Variants in CPAMD8 observed in about 807,000 individuals in gnomAD.
CPAMD8 encodes the protein C3 and PZP-like alpha-2-macroglobulin domain-containing protein 8.
CPAMD8 carries 146 observed loss-of-function variants against 224.7 expected under a neutral mutation model. The observed-to-expected ratio is 0.65, with a 90% CI of 0.57 to 0.75. CPAMD8 has a LOEUF of 0.75. CPAMD8 is among the 30% of genes least tolerant of loss of function. The pLI, the probability that CPAMD8 is intolerant of heterozygous loss-of-function variation, is 0.00. For synonymous variants in CPAMD8, 966 were observed against 1,044.6 expected, an observed-to-expected ratio of 0.92 and a Z score of 1.45; for missense variants, 2,301 against 2,537.5, an observed-to-expected ratio of 0.91 and a Z score of 2.00.
At position 16,993,478 on chromosome 19, in the gene CPAMD8, G is replaced by A. The variant is rs373932211; in HGVS notation, c.1204C>T (p.Arg402Cys). The A allele has an allele frequency of 6.8e-6, 11 of 1,612,992 alleles. No individual in the cohort carries two copies. In the South Asian group the frequency reaches 7.7e-5, roughly 11 times the overall value. ...NIYTSEVVSQRGLVGFEIPSI... is the reference protein window; with the variant it reads ...NIYTSEVVSQCGLVGFEIPSI... ...GGGATTTCAAACCCCACTAGTCCAC[G>A]CTGGGACACAACTTCACTGGTGTAG... The change falls in exon 12 of 42, where the codon CGT (arginine) becomes TGT (cysteine). Residue 402 changes from arginine to cysteine, a missense_variant. Transcript: ENST00000443236.
chr19:17,006,593 T>C (rs572723161), intron 7 of CPAMD8, among the ~76,000 whole-genome samples: 14 of 151,876 alleles, frequency 9.2e-5, no homozygotes, highest in African/African-American at 2.7e-4. Context: ...CTCTTGCCAG[T>C]GTCACCCCTG....
intron 19 of CPAMD8, among the ~76,000 whole-genome samples, chr19:16,955,727 A>AGTGCAGTG (rs2054449611): frequency 6.6e-6 from 1 of 152,100 alleles, no homozygotes; most frequent in Non-Finnish European, 1.5e-5. Context: ...CCCAGGCTGG[A>AGTGCAGTG]GTGCAGTGGT....
At chr19:16,936,052 C>A in intron 23 of CPAMD8, among the ~76,000 whole-genome samples, 1 of 151,910 alleles carries the variant, frequency 6.6e-6, no homozygotes, top group East Asian at 1.9e-4. Context: ...CTCAGCCTCC[C>A]AAGTAGCTAG....
intron 3 of CPAMD8, among the ~76,000 whole-genome samples, chr19:17,019,964 T>A (rs1423582829): frequency 6.7e-6 from 1 of 149,756 alleles, no homozygotes; most frequent in African/African-American, 2.5e-5. Flanking sequence ...TTTTTTTTTT[T>A]TCTTTTCTTT....
chr19:16,893,464 G>A (rs915589809), intron 41 of CPAMD8, 125 bp from the exon 42 acceptor site: 1 of 641,748 alleles, frequency 1.6e-6, no homozygotes, highest in Non-Finnish European at 2.7e-6. Flanking sequence ...ACCGGCCAGG[G>A]CAGCCTCAGA....
Position 17,022,066 on chromosome 19 carries a change from C to T in CPAMD8, c.208G>A (p.Gly70Ser), listed in dbSNP as rs2056972170. The T allele has an allele frequency of 1.2e-6, 2 of 1,606,052 alleles. No homozygotes were observed. The highest frequency in any genetic ancestry group is 3.4e-5 in the Admixed American group (2 of 59,324). ...VTVQAQLVAQ[G>S]EPVVQSQGAI... ...CCCTGGCTCTGCACCACCGGCTCAC[C>T]CTGGGCCACCAGCTGAGCCTGGACC... Residue 70 changes from glycine to serine, a missense_variant, in exon 2 of 42, where the codon GGT becomes AGT. By Grantham distance (56) the Gly-to-Ser change is moderately conservative. This residue lies in a region of CPAMD8 where 283 missense variants were observed against 340.6 expected (regional missense o/e 0.83). Transcript: ENST00000443236.
chr19:16,935,144 T>C (rs2053648412), intron 23 of CPAMD8, among the ~76,000 whole-genome samples: 1 of 152,224 alleles, frequency 6.6e-6, no homozygotes, highest in Non-Finnish European at 1.5e-5. Flanking sequence ...CATGCAATTG[T>C]TATAAATAAT....
chr19:16,971,444 A>T (rs951139092), intron 17 of CPAMD8, among the ~76,000 whole-genome samples: 1 of 152,176 alleles, frequency 6.6e-6, no homozygotes, highest in Non-Finnish European at 1.5e-5. Flanking sequence ...AGAAGAGAGA[A>T]CAGCACATTT....
At position 16,899,988 on chromosome 19, in the gene CPAMD8, C is replaced by A. The variant is rs1255497552; in HGVS notation, c.4774-439G>T. On this transcript the variant is annotated intron_variant, in intron 36 of 41. Transcript: ENST00000443236. This position sits in a 1 kb window ranked among gnomAD's most constrained non-coding sequence, Gnocchi z 5.4. ...ACCACATCCTCATCCCCTGGTGCTC[C>A]GTGCAGCCTCCTTGGAGGGGAGGTG... Among the ~76,000 whole-genome samples, 1 of 151,966 alleles carries A rather than the reference C, an allele frequency of 6.6e-6. No homozygotes were observed. The highest frequency in any genetic ancestry group is 1.9e-4 in the East Asian group (1 of 5,188).
rs888588049 is a variant in CPAMD8 at position 16,898,179 on chromosome 19, C to G, written c.4849-185G>C. ...TTTTTTCCTGAGACAGAGTCTCGCGCTGTTGCCCAGGCTGGAGTGCAGTGG... is the reference window on the plus strand; with the variant it reads ...TTTTTTCCTGAGACAGAGTCTCGCGGTGTTGCCCAGGCTGGAGTGCAGTGG... On this transcript the variant is annotated intron_variant, in intron 37 of 41. Coordinates refer to ENST00000443236, the MANE Select transcript of CPAMD8 (RefSeq NM_015692.5). The surrounding 1 kb of genome is among the most constrained non-coding windows in gnomAD (Gnocchi z 4.2). 5.3e-6 allele frequency: 3 copies of G among 565,182 alleles called. No individual in the cohort carries two copies. The African/African-American group carries it at 6.0e-5, about 11-fold the overall frequency. 35.0% of individuals were successfully genotyped at this position (565,182 alleles called of 1,614,324 possible).
intron 20 of CPAMD8, among the ~76,000 whole-genome samples, chr19:16,948,310 T>C (rs568871048): frequency 3.3e-5 from 5 of 152,170 alleles, no homozygotes; most frequent in Middle Eastern, 3.4e-3. Context: ...GAGAGAAGCA[T>C]GCGGGGAAAA....
At chr19:16,954,916 C>G (rs1010851203) in intron 19 of CPAMD8, among the ~76,000 whole-genome samples, 2 of 152,214 alleles carry the variant, frequency 1.3e-5, no homozygotes, top group East Asian at 3.8e-4. Context: ...ATCACGAGGT[C>G]AGGAGATCGA....
chr19:16,967,278 G>A (rs1266553737), intron 18 of CPAMD8, among the ~76,000 whole-genome samples: 1 of 133,024 alleles, frequency 7.5e-6, no homozygotes, highest in Non-Finnish European at 1.5e-5. Context: ...TCATAGGTGG[G>A]AACTGAACAA....
At chr19:17,017,826 T>G (rs1402570456) in intron 3 of CPAMD8, among the ~76,000 whole-genome samples, 1 of 151,618 alleles carries the variant, frequency 6.6e-6, no homozygotes, top group African/African-American at 2.4e-5. Context: ...AGGTCAGGAG[T>G]TTGAGACCAG....
In CPAMD8 at chr19:16,902,788, C is replaced by G; in HGVS notation, c.4546G>C (p.Glu1516Gln). 6.3e-7 allele frequency: 1 copy of G among 1,588,778 alleles called. No homozygotes were observed. Among genetic ancestry groups the G allele is most frequent in the Non-Finnish European group, 8.6e-7 (1 of 1,163,562 alleles). ...ATGGGGGGCGGGCGTCCCTGGGCCT[C>G]AGGCTCCTGGAGGCTTACGAGCAGC... is the stretch of plus-strand genomic sequence containing the variant. ...FQLLVSLQEP[E>Q]AQGRPPPMPA... The change falls in exon 35 of 42, where the codon GAG becomes CAG. Residue 1516 changes from glutamate (E) to glutamine (Q), a missense_variant. Transcript: ENST00000443236.
At chr19:16,963,241 G>A (rs2054713524) in intron 18 of CPAMD8, among the ~76,000 whole-genome samples, 1 of 152,162 alleles carries the variant, frequency 6.6e-6, no homozygotes. Context: ...AAAAGACACA[G>A]ACTGGCAAAT....
Position 17,026,460 on chromosome 19 carries a change from C to T in CPAMD8, c.92+91G>A, listed in dbSNP as rs570200453. 44 of 1,322,414 alleles carry T rather than the reference C, an allele frequency of 3.3e-5. 1 individual carries two copies. In the East Asian group the frequency reaches 1.4e-3, roughly 41 times the overall value. The allele number at this position is 1,322,414 out of a possible 1,614,324, so 81.9% of individuals were successfully genotyped here. On this transcript the variant is annotated intron_variant, in intron 1 of 41. Transcript: ENST00000443236. ...CAGCCCAGCGCGGAGGCTGTGTGGC[C>T]TTGGGCAGGTCGCTGCAACACTCTG...
chr19:16,903,650 C>A, intron 33 of CPAMD8, 27 bp from the exon 34 acceptor site: 1 of 1,614,060 alleles, frequency 6.2e-7, no homozygotes. Flanking sequence ...CCGTGAGGCC[C>A]TGCTGACCCC....
chr19:16,903,522 G>A (rs368195757), intron 34 of CPAMD8, 39 bp downstream of exon 34: 6 of 1,612,944 alleles, frequency 3.7e-6, no homozygotes, highest in South Asian at 3.3e-5. Context: ...GGCACAGGAG[G>A]ACAAGCCCAA....
Sources: gnomAD v4.1 joint callset for allele counts (sites outside exome capture counted in the v4.1 genomes callset) on GRCh38, gnomAD v4.1.1 for gene constraint, gnomAD v4.1.1 regional missense constraint, Gnocchi (gnomAD v3.1) non-coding constraint, MANE v1.5 for transcripts, NCBI Gene and HGNC (gene_info 2026-07-23, HGNC 2026-07-21) for gene names.